Variants in SLC1A1 observed in about 807,000 individuals in gnomAD.
SLC1A1 encodes excitatory amino acid transporter 3.
SLC1A1 carries 43 observed loss-of-function variants against 53.3 expected under a neutral mutation model. The ratio of observed to expected loss-of-function variants is 0.81; its 90% CI spans 0.63 to 1.04. SLC1A1 has a LOEUF of 1.04. Among genes scored for constraint, SLC1A1 ranks in the 50% least tolerant of loss-of-function variants. The pLI, the probability that SLC1A1 is intolerant of heterozygous loss-of-function variation, is 0.00. For missense variants in SLC1A1, 748 were observed against 664.9 expected (o/e 1.12, Z -1.37); for synonymous variants, 307 against 243.2 (o/e 1.26, Z -2.44).
At chr9:4,537,064 G>A (rs1816701943) in intron 1 of SLC1A1, among the ~76,000 whole-genome samples, 2 of 151,828 alleles carry the variant, frequency 1.3e-5, no homozygotes, top group African/African-American at 4.8e-5. Context: ...GAGGAGGGAG[G>A]GATAGCATTA....
chr9:4,521,028 A>C (rs761350940), intron 1 of SLC1A1, among the ~76,000 whole-genome samples: 14 of 152,326 alleles, frequency 9.2e-5, no homozygotes, highest in Non-Finnish European at 1.6e-4. Flanking sequence ...GACTAATAAT[A>C]TTCGACATCT....
intron 9 of SLC1A1, among the ~76,000 whole-genome samples, 188 bp downstream of exon 9, chr9:4,576,311 G>A (rs1337924221): frequency 2.6e-5 from 4 of 152,210 alleles, no homozygotes; most frequent in Non-Finnish European, 5.9e-5. Context: ...CTCTTGGCAT[G>A]ACCTGCAGCT....
At chr9:4,492,222 A>G (rs543057699) in intron 1 of SLC1A1, among the ~76,000 whole-genome samples, 2 of 152,316 alleles carry the variant, frequency 1.3e-5, no homozygotes, top group Admixed American at 6.5e-5. Flanking sequence ...AGCATACGCT[A>G]CAAAGAACGA....
At chr9:4,543,365 TA>T (rs1817179625) in intron 1 of SLC1A1, among the ~76,000 whole-genome samples, 1 of 152,226 alleles carries the variant, frequency 6.6e-6, no homozygotes, top group African/African-American at 2.4e-5. Context: ...TCATCCCATT[TA>T]TTTTTCTGCC....
At chr9:4,494,310 C>T (rs868235742) in intron 1 of SLC1A1, among the ~76,000 whole-genome samples, 4 of 149,814 alleles carry the variant, frequency 2.7e-5, no homozygotes, top group African/African-American at 9.7e-5. Flanking sequence ...CTTATTACTT[C>T]GTTTGTTATT....
chr9:4,494,451 G>T (rs1002003084), intron 1 of SLC1A1, among the ~76,000 whole-genome samples: 1 of 151,998 alleles, frequency 6.6e-6, no homozygotes, highest in African/African-American at 2.4e-5. Context: ...TTCTCTCATA[G>T]TATGTCTCTT....
chr9:4,531,779 C>T (rs1412907696), intron 1 of SLC1A1, among the ~76,000 whole-genome samples: 1 of 152,142 alleles, frequency 6.6e-6, no homozygotes, highest in Non-Finnish European at 1.5e-5. Context: ...CCCTGACCCC[C>T]GAGTAGCCTA....
intron 1 of SLC1A1, among the ~76,000 whole-genome samples, chr9:4,513,040 C>A (rs547786652): frequency 9.2e-5 from 14 of 152,092 alleles, no homozygotes; most frequent in Non-Finnish European, 1.5e-4. Flanking sequence ...AAAAAATGAA[C>A]CTCAACCTAA....
rs144692849 is a variant in SLC1A1 at position 4,548,365 on chromosome 9, G to A, written c.232+3658G>A. On this transcript the variant is annotated intron_variant, in intron 2 of 11. Coordinates refer to ENST00000262352, the MANE Select transcript of SLC1A1 (RefSeq NM_004170.6). Reference sequence around the variant, plus strand: ...AACGTATACAGTTATTAGGCCGAAGGAGGATGCAGGTGGGAAGCTGAGGAG... The same window carrying A: ...AACGTATACAGTTATTAGGCCGAAGAAGGATGCAGGTGGGAAGCTGAGGAG... 2.9e-4 allele frequency among the ~76,000 whole-genome samples: 44 copies of A among 152,286 alleles called. No homozygotes were observed. In the East Asian group the frequency reaches 3.3e-3, roughly 11 times the overall value.
chr9:4,508,952 C>T (rs973108197), intron 1 of SLC1A1, among the ~76,000 whole-genome samples: 5 of 151,952 alleles, frequency 3.3e-5, no homozygotes, highest in African/African-American at 4.8e-5. Context: ...AAGGAGAGCA[C>T]GAATTAGACC....
chr9:4,578,862 G>C (rs1346274669), intron 10 of SLC1A1, among the ~76,000 whole-genome samples: 1 of 152,202 alleles, frequency 6.6e-6, no homozygotes, highest in Non-Finnish European at 1.5e-5. Context: ...GCTGGGATTA[G>C]AGTTAACCTG....
chr9:4,534,787 A>G (rs549529570), intron 1 of SLC1A1, among the ~76,000 whole-genome samples: 1 of 152,248 alleles, frequency 6.6e-6, no homozygotes, highest in Admixed American at 6.5e-5. Context: ...TCCCTGATGA[A>G]CATCGATGCA....
At chr9:4,571,571 G>A (rs1820055271) in intron 6 of SLC1A1, among the ~76,000 whole-genome samples, 1 of 152,126 alleles carries the variant, frequency 6.6e-6, no homozygotes, top group African/African-American at 2.4e-5. Context: ...CAGCTACTAG[G>A]GAGGCTGAGG....
At chr9:4,533,903 A>T (rs1418011936) in intron 1 of SLC1A1, among the ~76,000 whole-genome samples, 1 of 152,302 alleles carries the variant, frequency 6.6e-6, no homozygotes, top group African/African-American at 2.4e-5. Context: ...GGATTGAGAA[A>T]CTCACTCAAA....
intron 1 of SLC1A1, among the ~76,000 whole-genome samples, chr9:4,521,446 T>C (rs182981745): frequency 2.3e-3 from 357 of 152,236 alleles, no homozygotes; most frequent in Non-Finnish European, 4.2e-3. Flanking sequence ...TGTGGTCACA[T>C]CTGGTATAGT....
At chr9:4,524,606 G>T (rs1412149618) in intron 1 of SLC1A1, among the ~76,000 whole-genome samples, 1 of 152,180 alleles carries the variant, frequency 6.6e-6, no homozygotes, top group Non-Finnish European at 1.5e-5. Context: ...TCTGTAAGTT[G>T]GGAAGTTCAA....
chr9:4,509,561 TAAAA>T (rs111727018), intron 1 of SLC1A1, among the ~76,000 whole-genome samples: 1 of 141,908 alleles, frequency 7.0e-6, no homozygotes, highest in Non-Finnish European at 1.5e-5. Flanking sequence ...CGGGAGAAAA[TAAAA>T]AAAAAAACCC....
chr9:4,583,911 C>CAT lies in SLC1A1; in HGVS notation c.1328+742_1328+743dup, dbSNP rs1358086099. On this transcript the variant is annotated intron_variant, in intron 11 of 11. Coordinates refer to ENST00000262352, the MANE Select transcript of SLC1A1 (RefSeq NM_004170.6). This position sits in a 1 kb window ranked among gnomAD's most constrained non-coding sequence, Gnocchi z 4.6. ...ACACACACACACACACACACACACA[C>CAT]ATATGGAATACAGCAGAACATCTGG... Among the ~76,000 whole-genome samples the CAT allele has an allele frequency of 1.7e-5, 2 of 118,084 alleles. No individual in the cohort carries two copies. The highest frequency in any genetic ancestry group is 5.9e-5 in the African/African-American group (2 of 34,180). The allele number at this position is 118,084 out of a possible 152,430, so 77.5% of individuals were successfully genotyped here.
intron 6 of SLC1A1, 121 bp from the exon 7 acceptor site, chr9:4,572,083 C>T: frequency 1.2e-6 from 1 of 841,638 alleles, no homozygotes; most frequent in Non-Finnish European, 2.0e-6. Context: ...GTTTTGTTGA[C>T]TCTGCCTGGG....
Sources: allele counts gnomAD v4.1 joint callset (sites outside exome capture counted in the v4.1 genomes callset), GRCh38; gene constraint gnomAD v4.1.1; non-coding constraint Gnocchi (gnomAD v3.1); transcripts MANE v1.5; gene names NCBI Gene and HGNC (gene_info 2026-07-23, HGNC 2026-07-21).